The following ARMC2 variants were observed in gnomAD, a reference collection of about 807,000 sequenced individuals.
The protein encoded by ARMC2 is armadillo repeat-containing protein 2.
A neutral mutation model predicts 90.3 loss-of-function variants in ARMC2; 67 were observed. That is an observed-to-expected ratio of 0.74 (90% confidence interval 0.61 to 0.91). The LOEUF (loss-of-function observed/expected upper bound fraction) is 0.91, where lower values mean the gene tolerates loss of function less well. Among genes scored for constraint, ARMC2 ranks in the 40% least tolerant of loss-of-function variants. The pLI, the probability that ARMC2 is intolerant of heterozygous loss-of-function variation, is 0.00. For synonymous variants in ARMC2, 393 were observed against 393.0 expected (o/e 1.00, Z 0.00); for missense variants, 920 against 1,030.9 (o/e 0.89, Z 1.47).
chr6:109,016,489 T>C, the ARMC2 span, among the ~76,000 whole-genome samples: 1 of 152,148 alleles, frequency 6.6e-6, no homozygotes, highest in Admixed American at 6.5e-5. Flanking sequence ...GGGTATTAAG[T>C]TGTAGATTCT....
chr6:108,901,884 A>T (rs547412252), intron 7 of ARMC2, among the ~76,000 whole-genome samples: 1 of 152,280 alleles, frequency 6.6e-6, no homozygotes, highest in East Asian at 1.9e-4. Context: ...CTCTTTCGTG[A>T]TCTTGATGTA....
chr6:108,936,665 G>A (rs2806354), intron 11 of ARMC2, among the ~76,000 whole-genome samples: 40,400 of 152,038 alleles, frequency 0.27, 5,802 homozygotes, highest in East Asian at 0.4. Context: ...AATTACGTGG[G>A]TAGTGTACAC....
At chr6:108,929,551 C>T (rs1318867006) in intron 11 of ARMC2, among the ~76,000 whole-genome samples, 1 of 152,180 alleles carries the variant, frequency 6.6e-6, no homozygotes, top group Non-Finnish European at 1.5e-5. Flanking sequence ...ACATGGCTTA[C>T]TACAGCCTCG....
chr6:108,944,016 T>C (rs1238144134), intron 12 of ARMC2, among the ~76,000 whole-genome samples: 1 of 152,218 alleles, frequency 6.6e-6, no homozygotes, highest in Non-Finnish European at 1.5e-5. Flanking sequence ...ACTTCTCAAG[T>C]GACTCAAATG....
intron 10 of ARMC2, among the ~76,000 whole-genome samples, chr6:108,921,361 G>A (rs184751486): frequency 9.8e-5 from 15 of 152,328 alleles, no homozygotes; most frequent in Non-Finnish European, 1.9e-4. Flanking sequence ...GTTTAAGGAG[G>A]ACAGAAGCAT....
downstream of ARMC2, among the ~76,000 whole-genome samples, chr6:108,975,020 A>G (rs1245671410): frequency 3.3e-5 from 5 of 149,988 alleles, no homozygotes; most frequent in Non-Finnish European, 5.9e-5. Context: ...TTTCTTAATT[A>G]TTATACTTTA....
the ARMC2 span, among the ~76,000 whole-genome samples, chr6:109,033,902 C>T: frequency 6.6e-6 from 1 of 152,150 alleles, no homozygotes; most frequent in Admixed American, 6.5e-5. Context: ...CTTAAGCATT[C>T]GTAAAGAAGC....
At chr6:109,031,396 C>T in the ARMC2 span, among the ~76,000 whole-genome samples, 1 of 152,048 alleles carries the variant, frequency 6.6e-6, no homozygotes, top group Non-Finnish European at 1.5e-5. Flanking sequence ...GCTACCATTC[C>T]ACCTCCTCTC....
rs1562378680 is a variant in ARMC2, at chr6:108,910,008, A to G, written c.1024-891A>G. 2.6e-5 allele frequency among the ~76,000 whole-genome samples: 4 copies of G among 152,156 alleles called. No individual in the cohort carries two copies. In the South Asian group the frequency reaches 6.2e-4, roughly 24 times the overall value. On this transcript the variant is annotated intron_variant, in intron 8 of 17. Transcript: ENST00000392644. ...TTTCCCCCTTTCTTTTCTTTCCTTC[A>G]TCTCTACTATGTGTTCTTTTCTAAA...
intron 13 of ARMC2, among the ~76,000 whole-genome samples, chr6:108,955,118 C>T (rs2768548): frequency 0.74 from 112,063 of 152,070 alleles, 41,556 homozygotes; most frequent in East Asian, 0.85. Context: ...CCCCACAGGA[C>T]CTAGCTCCAA....
intron 3 of ARMC2, among the ~76,000 whole-genome samples, chr6:108,863,410 A>C (rs74851924): frequency 0.014 from 2,122 of 152,190 alleles, 19 homozygotes; most frequent in African/African-American, 0.025. Context: ...TAACGTTTAT[A>C]TCTACCTGCT....
chr6:109,002,228 C>T, the ARMC2 span: 5 of 1,520,846 alleles, frequency 3.3e-6, no homozygotes, highest in Admixed American at 3.4e-5. Flanking sequence ...GTCATGAAAG[C>T]TCTTCCTTAA....
At chr6:109,042,943 T>G in the ARMC2 span, among the ~76,000 whole-genome samples, 1 of 151,974 alleles carries the variant, frequency 6.6e-6, no homozygotes, top group African/African-American at 2.4e-5. Context: ...GCAAAAATCC[T>G]AAACAAAATA....
chr6:108,969,783 T>C (rs1386083029), intron 17 of ARMC2, among the ~76,000 whole-genome samples: 1 of 152,206 alleles, frequency 6.6e-6, no homozygotes, highest in African/African-American at 2.4e-5. Context: ...GGCTCATGCC[T>C]GTAATCCCAG....
intron 13 of ARMC2, among the ~76,000 whole-genome samples, chr6:108,955,221 G>T (rs943032571): frequency 6.6e-6 from 1 of 152,176 alleles, no homozygotes; most frequent in Admixed American, 6.5e-5. Flanking sequence ...ATGGAGGCTG[G>T]TATGTGCTTT....
At chr6:108,857,459 AAG>A (rs1267819639) in intron 2 of ARMC2, among the ~76,000 whole-genome samples, 17 of 152,118 alleles carry the variant, frequency 1.1e-4, no homozygotes, top group African/African-American at 4.1e-4. Context: ...GTTATCTGGA[AAG>A]AGTTGTTTCT....
chr6:109,001,534 G>A, the ARMC2 span: 1 of 1,530,144 alleles, frequency 6.5e-7, no homozygotes, highest in Non-Finnish European at 9.0e-7. Context: ...GTAAATTGGT[G>A]TTAAGGGAAG....
the ARMC2 span, among the ~76,000 whole-genome samples, chr6:108,980,887 C>G: frequency 6.6e-6 from 1 of 151,938 alleles, no homozygotes; most frequent in East Asian, 1.9e-4. Context: ...AAGACTGTCT[C>G]AAAAAAACAA....
chr6:108,932,954 T>G (rs1487038350), intron 11 of ARMC2, among the ~76,000 whole-genome samples: 1 of 152,198 alleles, frequency 6.6e-6, no homozygotes, highest in Non-Finnish European at 1.5e-5. Flanking sequence ...CATGCTGTTT[T>G]GGTTACCATA....
Sources: gnomAD v4.1 joint callset for allele counts (sites outside exome capture counted in the v4.1 genomes callset) on GRCh38, gnomAD v4.1.1 for gene constraint, MANE v1.5 for transcripts, NCBI Gene and HGNC (gene_info 2026-07-23, HGNC 2026-07-21) for gene names.